The following SPPL3 variants were observed in gnomAD, a reference collection of about 807,000 sequenced individuals.
The protein encoded by SPPL3 is signal peptide peptidase-like 3.
A neutral mutation model predicts 42.4 loss-of-function variants in SPPL3; 5 were observed. That is an observed-to-expected ratio of 0.12 (90% CI 0.06 to 0.25). The LOEUF is 0.25. SPPL3 is among the 10% of genes least tolerant of loss of function. SPPL3 has a pLI of 1.00. For missense variants in SPPL3, 235 were observed against 489.0 expected, an observed-to-expected ratio of 0.48 and a Z score of 4.90; for synonymous variants, 195 against 181.8, an observed-to-expected ratio of 1.07 and a Z score of -0.58.
chr12:120,861,543 C>G (rs1370602705), intron 1 of SPPL3, among the ~76,000 whole-genome samples: 3 of 152,124 alleles, frequency 2.0e-5, no homozygotes, highest in African/African-American at 4.8e-5. Flanking sequence ...GTGGTAGATC[C>G]TTGCATTACT....
intron 1 of SPPL3, among the ~76,000 whole-genome samples, chr12:120,870,175 G>A (rs1872876863): frequency 6.6e-6 from 1 of 152,232 alleles, no homozygotes; most frequent in African/African-American, 2.4e-5. Flanking sequence ...GCCAAGTGCA[G>A]TGGCTCATGC....
At chr12:120,766,142 AGT>A (rs1868894493) in intron 10 of SPPL3, 119 bp downstream of exon 10, 3 of 656,440 alleles carry the variant, frequency 4.6e-6, no homozygotes, top group South Asian at 3.9e-5. Context: ...ACACACACAC[AGT>A]CGAGATCACA....
intron 1 of SPPL3, chr12:120,845,626 T>C: frequency 2.3e-6 from 1 of 433,564 alleles, no homozygotes; most frequent in Non-Finnish European, 4.4e-6. Flanking sequence ...AAAAGGCCCT[T>C]GAAGACGTTG....
At chr12:120,835,802 G>C (rs940281183) in intron 1 of SPPL3, 3 of 152,122 alleles carry the variant, frequency 2.0e-5, no homozygotes, top group African/African-American at 7.2e-5. Flanking sequence ...TGAGAGAGAG[G>C]TGAACCATTC....
intron 2 of SPPL3, among the ~76,000 whole-genome samples, chr12:120,802,340 T>A (rs1170979829): frequency 6.7e-6 from 1 of 148,882 alleles, no homozygotes; most frequent in Non-Finnish European, 1.5e-5. Flanking sequence ...TTTATATATG[T>A]ATGTATGTAT....
At chr12:120,886,750 C>G (rs1187645246) in intron 1 of SPPL3, among the ~76,000 whole-genome samples, 1 of 152,148 alleles carries the variant, frequency 6.6e-6, no homozygotes, top group African/African-American at 2.4e-5. Context: ...ACTGATCACA[C>G]ACTCATCTGT....
At chr12:120,900,923 CAAA>C (rs11432981) in intron 1 of SPPL3, among the ~76,000 whole-genome samples, 2 of 101,520 alleles carry the variant, frequency 2.0e-5, no homozygotes, top group Admixed American at 1.1e-4. Flanking sequence ...CCCTGTCTCA[CAAA>C]AAAAAAAAAA....
At chr12:120,796,790 T>C (rs1394547815) in intron 2 of SPPL3, among the ~76,000 whole-genome samples, 3 of 152,218 alleles carry the variant, frequency 2.0e-5, no homozygotes, top group Non-Finnish European at 4.4e-5. Flanking sequence ...CCAATCAGGC[T>C]TTTGGAAGCA....
At chr12:120,824,163 C>A (rs1000507701) in intron 1 of SPPL3, among the ~76,000 whole-genome samples, 8 of 152,146 alleles carry the variant, frequency 5.3e-5, no homozygotes, top group Admixed American at 5.2e-4. Flanking sequence ...AGCCACTGCA[C>A]CCAGCCCACA....
intron 1 of SPPL3, among the ~76,000 whole-genome samples, chr12:120,862,337 C>T (rs920493957): frequency 6.6e-6 from 1 of 152,052 alleles, no homozygotes; most frequent in Non-Finnish European, 1.5e-5. Context: ...CAATTCAATT[C>T]TGACACTATT....
intron 1 of SPPL3, among the ~76,000 whole-genome samples, chr12:120,874,388 G>A (rs774776433): frequency 7.4e-5 from 11 of 149,426 alleles, no homozygotes; most frequent in Non-Finnish European, 1.5e-4. Context: ...GGGAGGCAGA[G>A]GTTGCAGTGA....
chr12:120,769,088 G>C, intron 6 of SPPL3, 29 bp from the exon 7 acceptor site: 1 of 1,552,624 alleles, frequency 6.4e-7, no homozygotes, highest in East Asian at 2.3e-5. Flanking sequence ...ACAGCAGACA[G>C]CAGTCAGTGT....
chr12:120,877,814 A>G (rs1873153917), intron 1 of SPPL3, among the ~76,000 whole-genome samples: 1 of 151,372 alleles, frequency 6.6e-6, no homozygotes, highest in Admixed American at 6.6e-5. Flanking sequence ...AAGAAAAAGC[A>G]TAACACGTTA....
chr12:120,798,635 C>A (rs183384252), intron 2 of SPPL3, among the ~76,000 whole-genome samples: 30 of 152,328 alleles, frequency 2.0e-4, no homozygotes, highest in Non-Finnish European at 2.8e-4. Context: ...TCCCTGTGGG[C>A]ATGTTTTGGA....
intron 3 of SPPL3, among the ~76,000 whole-genome samples, chr12:120,791,021 T>C (rs191782084): frequency 7.2e-5 from 11 of 152,288 alleles, no homozygotes; most frequent in African/African-American, 2.4e-4. Context: ...GGTTTCTCCA[T>C]GTTGGTCAAG....
At chr12:120,881,579 AGG>A (rs1210008842) in intron 1 of SPPL3, among the ~76,000 whole-genome samples, 5 of 150,250 alleles carry the variant, frequency 3.3e-5, no homozygotes, top group African/African-American at 1.2e-4. Context: ...AACTGAAAGC[AGG>A]GTCTCGAACA....
intron 7 of SPPL3, 82 bp from the exon 8 acceptor site, chr12:120,768,570 CAG>C: frequency 7.0e-7 from 1 of 1,432,622 alleles, no homozygotes; most frequent in Non-Finnish European, 9.5e-7. Context: ...CTCTTAAGAG[CAG>C]AGTCTCAGAA....
intron 1 of SPPL3, among the ~76,000 whole-genome samples, chr12:120,883,393 A>T (rs1873354148): frequency 6.6e-6 from 1 of 152,220 alleles, no homozygotes; most frequent in South Asian, 2.1e-4. Context: ...ACTCTAACCT[A>T]TTCCTATTTA....
At chr12:120,772,029 T>TTTTG (rs1869142689) in intron 6 of SPPL3, among the ~76,000 whole-genome samples, 1 of 152,288 alleles carries the variant, frequency 6.6e-6, no homozygotes, top group East Asian at 1.9e-4. Context: ...GCTGCTCTTT[T>TTTTG]TTTGTTTTTT....
Sources: allele counts gnomAD v4.1 joint callset (sites outside exome capture counted in the v4.1 genomes callset), GRCh38; gene constraint gnomAD v4.1.1; transcripts MANE v1.5; gene names NCBI Gene and HGNC (gene_info 2026-07-23, HGNC 2026-07-21).